Variants in CWC15 observed in about 807,000 individuals in gnomAD.
CWC15 encodes the protein CWC15 spliceosome associated protein.
Under a neutral mutation model 28.4 loss-of-function variants are expected in CWC15, and 12 were observed. The ratio of observed to expected loss-of-function variants is 0.42; its 90% CI spans 0.27 to 0.69. The LOEUF is 0.69. Ranked by LOEUF, CWC15 falls within the 30% of genes least tolerant of loss-of-function variation. CWC15 has a pLI of 0.23. For synonymous variants in CWC15, 92 were observed against 88.4 expected, an observed-to-expected ratio of 1.04 and a Z score of -0.23; for missense variants, 192 against 271.5, an observed-to-expected ratio of 0.71 and a Z score of 2.06.
chr11:94,966,203 CTG>C (rs71036348), intron 6 of CWC15, 90 bp downstream of exon 6: 26,372 of 736,616 alleles, frequency 0.036, 638 homozygotes, highest in Non-Finnish European at 0.043. Flanking sequence ...ATCTGCATGC[CTG>C]TGTGTATACA....
At chr11:94,966,487 GA>G (rs1385187735) in intron 5 of CWC15, 74 bp from the exon 6 acceptor site, 757 of 525,462 alleles carry the variant, frequency 1.4e-3, no homozygotes, top group East Asian at 2.6e-3. Flanking sequence ...TTAGCTCACT[GA>G]AAAAAAAAAC....
intron 6 of CWC15, among the ~76,000 whole-genome samples, chr11:94,964,305 G>A (rs933280341): frequency 1.0e-3 from 155 of 152,106 alleles, no homozygotes; most frequent in Middle Eastern, 3.4e-3. Flanking sequence ...GCGCTTACAC[G>A]TCAGGAGAAA....
At chr11:94,965,797 C>T (rs1489040458) in intron 6 of CWC15, among the ~76,000 whole-genome samples, 1 of 152,158 alleles carries the variant, frequency 6.6e-6, no homozygotes, top group Non-Finnish European at 1.5e-5. Context: ...ATGGAAGGGA[C>T]AGAGCATAGT....
In CWC15 at chr11:94,970,078, C is replaced by A; in HGVS notation, c.352G>T (p.Glu118Ter). Residue 118 changes from glutamate to a stop codon, truncating the protein, a stop_gained, in exon 5 of 7, where the codon GAA becomes TAA. Coordinates refer to ENST00000279839, the MANE Select transcript of CWC15 (RefSeq NM_016403.4). LOFTEE classifies it high-confidence loss of function. Reference sequence around the variant, plus strand: ...GTATCATCATCATCACTTTCTTCTTCAAAATCTTCATCTTCCTCCTAAAAG... The same window carrying A: ...GTATCATCATCATCACTTTCTTCTTAAAAATCTTCATCTTCCTCCTAAAAG... The part of the protein sequence containing the change: ...PLTDEEDEDF[E>*]EESDDDDTAA... The A allele has an allele frequency of 6.5e-7, 1 of 1,531,286 alleles. No homozygotes were observed. The highest frequency in any genetic ancestry group is 1.2e-5 in the South Asian group (1 of 82,404). The allele number at this position is 1,531,286 out of a possible 1,614,324, so 94.9% of individuals were successfully genotyped here. A position where few individuals can be genotyped will look rare whatever the true frequency, so the allele number is the denominator to read the frequency against.
rs1323847908 is a variant in CWC15 at position 94,963,281 on chromosome 11, GC to G, written c.*103del. ...AAGATAGGAGTTTAAAACTGGGGAA[GC>G]CCACACACAATTTAGACAGGGGAAA... On this transcript the variant is annotated 3_prime_UTR_variant, in exon 7 of 7. Transcript: ENST00000279839. 5 of 854,650 alleles carry G rather than the reference GC, an allele frequency of 5.9e-6. No individual in the cohort carries two copies. The Admixed American group carries it at 1.8e-4, about 31-fold the overall frequency. The allele number at this position is 854,650 out of a possible 1,614,324, so 52.9% of individuals were successfully genotyped here.
intron 4 of CWC15, 193 bp from the exon 5 acceptor site, chr11:94,970,289 T>C: frequency 2.4e-6 from 1 of 409,446 alleles, no homozygotes. Flanking sequence ...TAATTTCAAA[T>C]GAATAATCAT....
intron 2 of CWC15, 98 bp downstream of exon 2, chr11:94,971,957 A>T: frequency 1.9e-6 from 2 of 1,072,264 alleles, no homozygotes; most frequent in Non-Finnish European, 2.7e-6. Flanking sequence ...ATGAAAATAG[A>T]TAAGTGACAT....
rs1555096208 is a variant in CWC15 at position 94,971,412 on chromosome 11, A to T, written c.207T>A (p.Ala69=). 8.1e-6 allele frequency: 13 copies of T among 1,613,088 alleles called. No homozygotes were observed. The highest frequency in any genetic ancestry group is 1.0e-5 in the Non-Finnish European group (12 of 1,179,486). The change falls in exon 3 of 7, where the codon GCT becomes GCA. Residue 69 remains alanine, a synonymous_variant. Coordinates refer to ENST00000279839, the MANE Select transcript of CWC15 (RefSeq NM_016403.4). The part of the protein sequence containing the change: ...FRRELEERER[A]AAREKNRDRP... ...GATCCCTATTTTTCTCTCTTGCAGC[A>T]GCTCTCTCTCTTTCTTCCAACTCTC...
intron 6 of CWC15, among the ~76,000 whole-genome samples, chr11:94,965,752 C>T (rs1857631092): frequency 1.3e-5 from 2 of 152,204 alleles, no homozygotes; most frequent in South Asian, 2.1e-4. Flanking sequence ...CTGCACTGTC[C>T]TTGCTGGGGG....
At chr11:94,969,874 T>C in intron 5 of CWC15, 115 bp downstream of exon 5, 1 of 521,680 alleles carries the variant, frequency 1.9e-6, no homozygotes, top group Non-Finnish European at 3.2e-6. Context: ...TGCTATAATA[T>C]TTAGACACGG....
intron 4 of CWC15, 94 bp downstream of exon 4, chr11:94,970,883 A>C: frequency 9.7e-7 from 1 of 1,026,308 alleles, no homozygotes; most frequent in Non-Finnish European, 1.5e-6. Context: ...CTAAACATAA[A>C]TATATGTCAC....
At chr11:94,967,925 A>G (rs1036688384) in intron 5 of CWC15, among the ~76,000 whole-genome samples, 1 of 152,220 alleles carries the variant, frequency 6.6e-6, no homozygotes, top group South Asian at 2.1e-4. Context: ...CCATATATCC[A>G]AACTTATAAT....
At position 94,963,330 on chromosome 11, in the gene CWC15, AAGTC is replaced by A. The variant is rs1857593984; in HGVS notation, c.*51_*54del. 7 of 1,404,708 alleles carry A rather than the reference AAGTC, an allele frequency of 5.0e-6. No homozygotes were observed. The Admixed American group carries it at 2.1e-4, about 42-fold the overall frequency. 87.0% of individuals were successfully genotyped at this position (1,404,708 alleles called of 1,614,324 possible). On this transcript the variant is annotated 3_prime_UTR_variant, in exon 7 of 7. Coordinates refer to ENST00000279839, the MANE Select transcript of CWC15 (RefSeq NM_016403.4). ...AAAAGAAAAAAAAAACTCATAAAAA[AAGTC>A]AGAATGATCCTTTACGTTTTACAGT...
intron 6 of CWC15, among the ~76,000 whole-genome samples, chr11:94,965,208 T>C (rs1337032839): frequency 6.6e-6 from 1 of 152,254 alleles, no homozygotes; most frequent in African/African-American, 2.4e-5. Flanking sequence ...TCAGCAGTAC[T>C]GCATCACTCC....
intron 1 of CWC15, 48 bp from the exon 2 acceptor site, chr11:94,972,241 ATT>A: frequency 6.5e-7 from 1 of 1,545,280 alleles, no homozygotes; most frequent in South Asian, 1.1e-5. Context: ...ACAAACACTC[ATT>A]TTATAGAGTA....
chr11:94,963,945 A>G (rs1555094817), intron 6 of CWC15, among the ~76,000 whole-genome samples: 1 of 152,186 alleles, frequency 6.6e-6, no homozygotes, highest in East Asian at 1.9e-4. Context: ...CTCTTTTATC[A>G]GTTAATGTTT....
intron 6 of CWC15, among the ~76,000 whole-genome samples, chr11:94,964,925 G>C (rs1555094989): frequency 1.3e-5 from 2 of 152,184 alleles, no homozygotes; most frequent in Non-Finnish European, 1.5e-5. Context: ...GCTTTAAAAA[G>C]TTTATCTGAG....
Position 94,972,129 on chromosome 11 carries a change from T to A in CWC15, c.57A>T (p.Gly19=). The part of the protein sequence containing the change: ...FEPARGGRGK[G]EGDLSQLSKQ... ...TTGAAAGTTGGCTCAAATCACCTTCTCCTTTTCCCCTTCCACCTCTGGCAG... is the reference window on the plus strand; with the variant it reads ...TTGAAAGTTGGCTCAAATCACCTTCACCTTTTCCCCTTCCACCTCTGGCAG... The change falls in exon 2 of 7, where the codon GGA becomes GGT. Residue 19 remains glycine (G), a synonymous_variant. Transcript: ENST00000279839. The A allele has an allele frequency of 6.2e-7, 1 of 1,613,876 alleles. No homozygotes were observed. The highest frequency in any genetic ancestry group is 8.5e-7 in the Non-Finnish European group (1 of 1,179,808).
At chr11:94,970,573 G>A (rs1857705334) in intron 4 of CWC15, 1 of 192,182 alleles carries the variant, frequency 5.2e-6, no homozygotes, top group Non-Finnish European at 1.1e-5. Context: ...TAAGTGTATT[G>A]CACTTATAGA....
Sources: gnomAD v4.1 joint callset for allele counts (sites outside exome capture counted in the v4.1 genomes callset) on GRCh38, gnomAD v4.1.1 for gene constraint, MANE v1.5 for transcripts, NCBI Gene and HGNC (gene_info 2026-07-23, HGNC 2026-07-21) for gene names.